The following MERTK variants were observed in gnomAD, a reference collection of about 807,000 sequenced individuals.
The protein encoded by MERTK is tyrosine-protein kinase Mer.
A neutral mutation model predicts 99.3 loss-of-function variants in MERTK; 69 were observed. That is an observed-to-expected ratio of 0.70 (90% CI 0.57 to 0.85). The LOEUF is 0.85. Ranked by LOEUF, MERTK falls within the 40% of genes least tolerant of loss-of-function variation. The probability of loss-of-function intolerance (pLI) is 0.00; values close to 1 mark genes in which losing one functional copy is unlikely to be tolerated. For missense variants in MERTK, 1,125 were observed against 1,249.4 expected (o/e 0.90, Z 1.50); for synonymous variants, 426 against 467.6 (o/e 0.91, Z 1.15).
At chr2:111,951,521 C>CTATATATATATATATATATATA (rs1280162964) in intron 4 of MERTK, among the ~76,000 whole-genome samples, 1 of 21,504 alleles carries the variant, frequency 4.7e-5, no homozygotes, top group African/African-American at 1.7e-4. Flanking sequence ...AATAATATTC[C>CTATATATATATATATATATATA]CATATATATA....
chr2:111,936,934 C>T (rs547337135), intron 2 of MERTK, among the ~76,000 whole-genome samples: 2 of 152,134 alleles, frequency 1.3e-5, no homozygotes, highest in East Asian at 1.9e-4. Flanking sequence ...CCTGGTCAGG[C>T]GCAACACTCC....
intron 15 of MERTK, among the ~76,000 whole-genome samples, chr2:112,013,855 A>AGGG (rs1387303589): frequency 1.4e-5 from 1 of 72,264 alleles, no homozygotes; most frequent in Non-Finnish European, 3.0e-5. Flanking sequence ...ATAATTTGGG[A>AGGG]GGGGGGTGGT....
intron 2 of MERTK, among the ~76,000 whole-genome samples, chr2:111,939,518 A>C (rs561990090): frequency 6.6e-6 from 1 of 151,848 alleles, no homozygotes; most frequent in South Asian, 2.1e-4. Flanking sequence ...GTCTCACTCT[A>C]TCTTCCAGGC....
rs900143169 is a variant in MERTK at position 112,023,242 on chromosome 2, G to A, written c.2486+848G>A. On this transcript the variant is annotated intron_variant, in intron 18 of 18. Coordinates refer to ENST00000295408, the MANE Select transcript of MERTK (RefSeq NM_006343.3). ...ATCCTCGCTAACACAGTGAAACCCC[G>A]TCTCCGCTAAAAATACAAAAAATTA... 4.6e-5 allele frequency among the ~76,000 whole-genome samples: 7 copies of A among 152,096 alleles called. No homozygotes were observed. The South Asian group carries it at 6.2e-4, about 14-fold the overall frequency.
intron 2 of MERTK, among the ~76,000 whole-genome samples, chr2:111,939,491 A>C (rs1684822115): frequency 6.6e-6 from 1 of 151,684 alleles, no homozygotes; most frequent in South Asian, 2.1e-4. Context: ...TTAATTAATT[A>C]ATTAATTTGA....
At chr2:111,966,936 C>T (rs116085875) in intron 5 of MERTK, among the ~76,000 whole-genome samples, 546 of 152,316 alleles carry the variant, frequency 3.6e-3, no homozygotes, top group African/African-American at 0.013. Flanking sequence ...CACACCCTCC[C>T]TGGGCCTCAT....
intron 5 of MERTK, among the ~76,000 whole-genome samples, chr2:111,967,284 G>T (rs1363327848): frequency 6.6e-6 from 1 of 152,174 alleles, no homozygotes; most frequent in Non-Finnish European, 1.5e-5. Flanking sequence ...CCTTATCTAT[G>T]AATGTGGATT....
intron 1 of MERTK, among the ~76,000 whole-genome samples, chr2:111,899,132 T>C (rs1683988115): frequency 6.6e-6 from 1 of 151,838 alleles, no homozygotes; most frequent in Non-Finnish European, 1.5e-5. Flanking sequence ...TTCCGACGAG[T>C]GGAACGTAGG....
At chr2:111,992,347 G>A (rs1424453322) in intron 8 of MERTK, among the ~76,000 whole-genome samples, 6 of 151,036 alleles carry the variant, frequency 4.0e-5, no homozygotes, top group East Asian at 1.9e-4. Flanking sequence ...AGTGGAATAC[G>A]TGGAGGTTTC....
At chr2:111,937,531 C>T (rs1008317929) in intron 2 of MERTK, among the ~76,000 whole-genome samples, 5 of 152,156 alleles carry the variant, frequency 3.3e-5, no homozygotes, top group Admixed American at 3.3e-4. Context: ...CATCTCCATG[C>T]AGGCTCCTGG....
chr2:112,022,598 C>T (rs1677377391), intron 18 of MERTK: 1 of 813,214 alleles, frequency 1.2e-6, no homozygotes, highest in Non-Finnish European at 2.2e-6. Flanking sequence ...CCAGTGAGCC[C>T]ACTGAGGCTC....
chr2:111,901,623 A>G (rs887300566), intron 1 of MERTK, among the ~76,000 whole-genome samples: 3 of 137,086 alleles, frequency 2.2e-5, no homozygotes, highest in South Asian at 2.2e-4. Flanking sequence ...TGGCACCATC[A>G]CGGCTCACTG....
At chr2:112,019,795 T>C (rs1677297176) in intron 16 of MERTK, among the ~76,000 whole-genome samples, 1 of 152,224 alleles carries the variant, frequency 6.6e-6, no homozygotes, top group Admixed American at 6.5e-5. Context: ...GTGTGACCCT[T>C]GTGATCCTTC....
At chr2:111,973,312 A>C (rs1676162296) in intron 6 of MERTK, among the ~76,000 whole-genome samples, 1 of 151,974 alleles carries the variant, frequency 6.6e-6, no homozygotes, top group African/African-American at 2.4e-5. Context: ...GTAGGTGCAC[A>C]CTCTAAAGTG....
intron 1 of MERTK, among the ~76,000 whole-genome samples, chr2:111,920,243 A>G (rs546802825): frequency 2.6e-5 from 4 of 152,296 alleles, no homozygotes; most frequent in African/African-American, 7.2e-5. Flanking sequence ...CCGTGCAGGC[A>G]TTTCTGGGCT....
chr2:111,918,099 A>G (rs1464310211), intron 1 of MERTK, among the ~76,000 whole-genome samples: 1 of 151,968 alleles, frequency 6.6e-6, no homozygotes, highest in Non-Finnish European at 1.5e-5. Flanking sequence ...TCCTATCTAT[A>G]TTCTGTTCTA....
At chr2:111,919,960 C>T (rs1009830539) in intron 1 of MERTK, among the ~76,000 whole-genome samples, 3 of 151,938 alleles carry the variant, frequency 2.0e-5, no homozygotes, top group Non-Finnish European at 4.4e-5. Context: ...TCCTGGTGTG[C>T]CAGGTCCCTG....
chr2:111,918,235 G>A (rs1684388322), intron 1 of MERTK, among the ~76,000 whole-genome samples: 1 of 152,172 alleles, frequency 6.6e-6, no homozygotes, highest in South Asian at 2.1e-4. Context: ...GGGATTCTTT[G>A]TTCTCTGTTA....
intron 6 of MERTK, among the ~76,000 whole-genome samples, chr2:111,968,870 C>T (rs1192865864): frequency 6.6e-6 from 1 of 152,166 alleles, no homozygotes; most frequent in African/African-American, 2.4e-5. Context: ...GAAACACATG[C>T]TTGTGACCAA....
Sources: gnomAD v4.1 joint callset for allele counts (sites outside exome capture counted in the v4.1 genomes callset) on GRCh38, gnomAD v4.1.1 for gene constraint, MANE v1.5 for transcripts, NCBI Gene and HGNC (gene_info 2026-07-23, HGNC 2026-07-21) for gene names.